The following DMD variants were observed in gnomAD, a reference collection of about 807,000 sequenced individuals.
The protein encoded by DMD is dystrophin.
In DMD, 63 loss-of-function variants were observed where a neutral mutation model predicts 330.1. That is an observed-to-expected ratio of 0.19 (90% CI 0.16 to 0.24). The LOEUF is 0.24. Among genes scored for constraint, DMD ranks in the 10% least tolerant of loss-of-function variants. The pLI is 1.00. For missense variants in DMD, 3,344 were observed against 2,684.1 expected, an observed-to-expected ratio of 1.25 and a Z score of -5.43; for synonymous variants, 1,223 against 959.8, an observed-to-expected ratio of 1.27 and a Z score of -5.07.
At chrX:32,591,037 A>G (rs1247985230) in intron 13 of DMD, among the ~76,000 whole-genome samples, 1 of 111,394 alleles carries the variant, frequency 9.0e-6, no homozygotes, top group East Asian at 2.8e-4. Context: ...GAAAATCAAA[A>G]TACGATATGA....
chrX:32,380,104 C>A (rs1369497957), intron 34 of DMD, among the ~76,000 whole-genome samples: 1 of 111,232 alleles, frequency 9.0e-6, no homozygotes, highest in Non-Finnish European at 1.9e-5. Context: ...GCGACTTTGG[C>A]AATATGCTAA....
intron 2 of DMD, among the ~76,000 whole-genome samples, chrX:32,872,887 G>T (rs1396488423): frequency 9.0e-6 from 1 of 111,667 alleles, no homozygotes; most frequent in East Asian, 2.8e-4. Context: ...AAGACATCAA[G>T]GAGGGCAAGA....
intron 44 of DMD, among the ~76,000 whole-genome samples, chrX:32,045,300 G>C (rs891577004): frequency 1.2e-4 from 13 of 107,981 alleles, no homozygotes; most frequent in African/African-American, 4.4e-4. Context: ...CTCACAGCTT[G>C]ATGCTGTCCT....
At chrX:32,971,437 T>C (rs977438623) in intron 2 of DMD, among the ~76,000 whole-genome samples, 1 of 111,160 alleles carries the variant, frequency 9.0e-6, no homozygotes, top group Non-Finnish European at 1.9e-5. Context: ...ACAGTCACTT[T>C]GGGCCGAAAA....
At chrX:32,390,676 T>TTTTTA (rs58438960) in intron 30 of DMD, among the ~76,000 whole-genome samples, 1,285 of 111,153 alleles carry the variant, frequency 0.012, 9 homozygotes, top group South Asian at 0.039. Context: ...AATTACCTTC[T>TTTTTA]TTTTATTTTA....
chrX:32,280,060 G>A (rs998672093), intron 43 of DMD, among the ~76,000 whole-genome samples: 6 of 70,814 alleles, frequency 8.5e-5, no homozygotes, highest in African/African-American at 3.1e-4. Context: ...CACTATGTAT[G>A]TGTGTATATA....
intron 60 of DMD, among the ~76,000 whole-genome samples, chrX:31,428,012 G>T (rs780763757): frequency 8.9e-6 from 1 of 112,317 alleles, no homozygotes; most frequent in South Asian, 3.7e-4. Context: ...TTATCTTCTG[G>T]TTCAGTCATA....
intron 43 of DMD, among the ~76,000 whole-genome samples, chrX:32,250,585 A>C (rs1367968738): frequency 8.9e-6 from 1 of 112,005 alleles, no homozygotes; most frequent in Non-Finnish European, 1.9e-5. Context: ...CTGCCTCCCC[A>C]GTGTTTTCAC....
intron 44 of DMD, among the ~76,000 whole-genome samples, chrX:32,065,683 G>C (rs981466720): frequency 8.9e-6 from 1 of 111,894 alleles, no homozygotes; most frequent in Non-Finnish European, 1.9e-5. Context: ...ACCATGAAAA[G>C]TGCTAAACAT....
At chrX:31,722,587 G>C (rs1295175608) in intron 52 of DMD, among the ~76,000 whole-genome samples, 7 of 111,201 alleles carry the variant, frequency 6.3e-5, no homozygotes, top group Non-Finnish European at 1.3e-4. Flanking sequence ...TATACTGAGG[G>C]CTGCATCAGA....
chrX:32,975,180 ATTTGCTTG>A (rs766280682), intron 2 of DMD, among the ~76,000 whole-genome samples: 47 of 109,691 alleles, frequency 4.3e-4, no homozygotes, highest in African/African-American at 1.2e-3. Flanking sequence ...AGATACTGCT[ATTTGCTTG>A]TTTGCTTGCC....
chrX:32,343,072 T>A, intron 40 of DMD, 62 bp downstream of exon 40: 1 of 1,056,655 alleles, frequency 9.5e-7, no homozygotes, highest in Non-Finnish European at 1.3e-6. Flanking sequence ...TTAAATATGA[T>A]CTTCACAGGT....
chrX:33,224,618 A>G (rs191597552), intron 1 of DMD, among the ~76,000 whole-genome samples: 5 of 111,606 alleles, frequency 4.5e-5, no homozygotes, highest in African/African-American at 1.3e-4. Flanking sequence ...CAGTGAAACT[A>G]CTCTGTATGA....
At chrX:32,676,667 C>T (rs1263614184) in intron 9 of DMD, among the ~76,000 whole-genome samples, 1 of 111,463 alleles carries the variant, frequency 9.0e-6, no homozygotes, top group Non-Finnish European at 1.9e-5. Context: ...TTTTATTTAT[C>T]TGCACCGGCT....
intron 9 of DMD, among the ~76,000 whole-genome samples, chrX:32,668,956 A>G (rs2061476495): frequency 9.0e-6 from 1 of 111,446 alleles, no homozygotes; most frequent in East Asian, 2.8e-4. Context: ...TGAAAAATCA[A>G]CATTTATAGG....
intron 1 of DMD, among the ~76,000 whole-genome samples, chrX:33,311,680 G>A (rs1044874664): frequency 2.7e-5 from 3 of 109,780 alleles, no homozygotes; most frequent in Non-Finnish European, 3.8e-5. Flanking sequence ...GAGGTAAAGG[G>A]CTCTATTTTA....
intron 51 of DMD, among the ~76,000 whole-genome samples, chrX:31,743,106 C>T (rs2087499177): frequency 8.9e-6 from 1 of 111,910 alleles, no homozygotes; most frequent in South Asian, 3.7e-4. Flanking sequence ...TGCTCCACAT[C>T]ACTCAACATC....
chrX:33,258,410 G>T (rs1275941978), intron 1 of DMD, among the ~76,000 whole-genome samples: 1 of 111,328 alleles, frequency 9.0e-6, no homozygotes, highest in Non-Finnish European at 1.9e-5. Context: ...CTAATCATCA[G>T]TTACAGAACC....
At chrX:31,393,436 C>A (rs1466634446) in intron 60 of DMD, among the ~76,000 whole-genome samples, 3 of 100,163 alleles carry the variant, frequency 3.0e-5, no homozygotes, top group Non-Finnish European at 6.0e-5. Flanking sequence ...GAGATTGCGC[C>A]ACTGCACTCT....
Sources: gnomAD v4.1 joint callset for allele counts (sites outside exome capture counted in the v4.1 genomes callset) on GRCh38, gnomAD v4.1.1 for gene constraint, MANE v1.5 for transcripts, NCBI Gene and HGNC (gene_info 2026-07-23, HGNC 2026-07-21) for gene names.